The following DNM3 variants were observed in gnomAD, a reference collection of about 807,000 sequenced individuals.
DNM3 encodes dynamin-3.
In DNM3, 47 loss-of-function variants were observed where a neutral mutation model predicts 101.6. The ratio of observed to expected loss-of-function variants is 0.46; its 90% CI spans 0.37 to 0.59. DNM3 has a LOEUF of 0.59. DNM3 is among the 20% of genes least tolerant of loss of function. The probability of loss-of-function intolerance (pLI) is 0.00; values close to 1 mark genes in which losing one functional copy is unlikely to be tolerated. For synonymous variants in DNM3, 385 were observed against 387.9 expected (o/e 0.99, Z 0.09); for missense variants, 849 against 1,085.7 (o/e 0.78, Z 3.06).
chr1:172,146,359 T>C, intron 14 of DNM3, among the ~76,000 whole-genome samples: 1 of 152,056 alleles, frequency 6.6e-6, no homozygotes, highest in Non-Finnish European at 1.5e-5. Flanking sequence ...GTGAGGAAGA[T>C]TAAATAAGAT....
chr1:172,115,601 G>T (rs1393490104), intron 13 of DNM3, among the ~76,000 whole-genome samples: 1 of 152,120 alleles, frequency 6.6e-6, no homozygotes, highest in Non-Finnish European at 1.5e-5. Context: ...CGCTCACTGG[G>T]ATCAGGCAAT....
At chr1:172,057,498 A>G (rs1329455125) in intron 10 of DNM3, among the ~76,000 whole-genome samples, 15 of 152,386 alleles carry the variant, frequency 9.8e-5, no homozygotes, top group South Asian at 4.1e-4. Flanking sequence ...CGGATCTCTC[A>G]GCAGAAACTC....
chr1:171,897,062 A>AAC (rs1048726222), intron 1 of DNM3, among the ~76,000 whole-genome samples: 10 of 140,562 alleles, frequency 7.1e-5, no homozygotes, highest in South Asian at 2.3e-4. Context: ...TTCTTCATTC[A>AAC]ACACATATAT....
At chr1:172,221,568 C>A (rs1249808969) in intron 14 of DNM3, among the ~76,000 whole-genome samples, 1 of 152,130 alleles carries the variant, frequency 6.6e-6, no homozygotes, top group Non-Finnish European at 1.5e-5. Context: ...TTTATCCATT[C>A]ATTCTACTAA....
intron 1 of DNM3, among the ~76,000 whole-genome samples, chr1:171,849,932 T>C (rs562141969): frequency 5.9e-5 from 9 of 152,218 alleles, no homozygotes; most frequent in Non-Finnish European, 1.3e-4. Context: ...TTTTCTGACA[T>C]TATTTTTAGT....
intron 17 of DNM3, chr1:172,338,949 G>C (rs1331730614): frequency 1.2e-5 from 5 of 411,492 alleles, no homozygotes; most frequent in Non-Finnish European, 2.4e-5. Context: ...TAACATTCTT[G>C]CTTTTTAGAA....
At chr1:171,895,285 C>G (rs1339017288) in intron 1 of DNM3, among the ~76,000 whole-genome samples, 2 of 152,354 alleles carry the variant, frequency 1.3e-5, no homozygotes, top group East Asian at 1.9e-4. Context: ...TCTCCACATT[C>G]TCTCCAGCAT....
rs551677170 is a variant in DNM3, at chr1:171,977,594, C to T, written c.236-10062C>T. 7.6e-4 allele frequency among the ~76,000 whole-genome samples: 116 copies of T among 152,312 alleles called. 1 individual carries two copies. Among genetic ancestry groups the T allele is most frequent in the Middle Eastern group, 3.4e-3 (1 of 294 alleles). On this transcript the variant is annotated intron_variant, in intron 2 of 20. Transcript: ENST00000627582. ...AGATAGAAATTGAGCATCTACTATA[C>T]GGTTTCCTACATCCTTATAATTAAC...
chr1:172,185,166 T>G (rs2059480541), intron 14 of DNM3, among the ~76,000 whole-genome samples: 1 of 152,082 alleles, frequency 6.6e-6, no homozygotes, highest in Non-Finnish European at 1.5e-5. Context: ...AAGATGGAAT[T>G]GAGGGAAGCT....
intron 13 of DNM3, among the ~76,000 whole-genome samples, chr1:172,124,302 C>T (rs1356628339): frequency 1.3e-5 from 2 of 152,090 alleles, no homozygotes; most frequent in Non-Finnish European, 2.9e-5. Flanking sequence ...ATGCATTTAC[C>T]GTCAAGGGGG....
At chr1:172,127,093 A>G (rs1031532745) in intron 13 of DNM3, among the ~76,000 whole-genome samples, 1 of 152,178 alleles carries the variant, frequency 6.6e-6, no homozygotes, top group African/African-American at 2.4e-5. Flanking sequence ...TGGTTGCCTC[A>G]ATATCACTAC....
intron 1 of DNM3, among the ~76,000 whole-genome samples, chr1:171,892,492 A>G (rs2037376408): frequency 6.6e-6 from 1 of 152,224 alleles, no homozygotes; most frequent in African/African-American, 2.4e-5. Flanking sequence ...TAAGCTAAAT[A>G]TGAGTTTAGA....
intron 20 of DNM3, chr1:172,394,342 C>T (rs2069783375): frequency 6.6e-6 from 1 of 152,214 alleles, no homozygotes; most frequent in African/African-American, 2.4e-5. Flanking sequence ...GCAGATGCGT[C>T]AAGGTAGCCT....
intron 13 of DNM3, among the ~76,000 whole-genome samples, chr1:172,129,274 A>G (rs2056806607): frequency 6.6e-6 from 1 of 152,216 alleles, no homozygotes; most frequent in South Asian, 2.1e-4. Context: ...GTGTGCATGC[A>G]CGGGCTTCAA....
chr1:171,970,501 A>T (rs2038480), intron 2 of DNM3, among the ~76,000 whole-genome samples: 120,790 of 151,922 alleles, frequency 0.8, 48,047 homozygotes, highest in Middle Eastern at 0.86. Flanking sequence ...GTTAAGAATA[A>T]GTATATAAAA....
chr1:172,238,985 C>A (rs1476120320), intron 14 of DNM3, among the ~76,000 whole-genome samples: 1 of 152,064 alleles, frequency 6.6e-6, no homozygotes, highest in Non-Finnish European at 1.5e-5. Context: ...TGCCTTTTTC[C>A]CCAAGTACTT....
At chr1:172,013,129 A>C (rs558745593) in intron 4 of DNM3, among the ~76,000 whole-genome samples, 1 of 151,846 alleles carries the variant, frequency 6.6e-6, no homozygotes, top group South Asian at 2.1e-4. Flanking sequence ...GATTTTTTTC[A>C]TTGTTGTTGT....
intron 1 of DNM3, among the ~76,000 whole-genome samples, chr1:171,891,903 T>C (rs986481816): frequency 5.3e-5 from 8 of 152,202 alleles, no homozygotes. Flanking sequence ...AACCCACACT[T>C]AAGGAGTGGG....
chr1:172,343,867 A>G (rs1391499021), intron 17 of DNM3, among the ~76,000 whole-genome samples: 4 of 152,198 alleles, frequency 2.6e-5, no homozygotes, highest in Admixed American at 6.5e-5. Context: ...AGATAACACC[A>G]TCTCCATTTT....
Sources: gnomAD v4.1 joint callset for allele counts (sites outside exome capture counted in the v4.1 genomes callset) on GRCh38, gnomAD v4.1.1 for gene constraint, MANE v1.5 for transcripts, NCBI Gene and HGNC (gene_info 2026-07-23, HGNC 2026-07-21) for gene names.